Variants in TMEM71 observed in about 807,000 individuals in gnomAD.
The protein encoded by TMEM71 is transmembrane protein 71.
In TMEM71, 44 loss-of-function variants were observed where a neutral mutation model predicts 38.0. The ratio of observed to expected loss-of-function variants is 1.16; its 90% CI spans 0.91 to 1.49. TMEM71 has a LOEUF of 1.49. Ranked by LOEUF, TMEM71 falls within the 40% of genes most tolerant of loss-of-function variation. TMEM71 has a pLI of 0.00. For missense variants in TMEM71, 367 were observed against 348.6 expected, an observed-to-expected ratio of 1.05 and a Z score of -0.42; for synonymous variants, 133 against 122.5, an observed-to-expected ratio of 1.09 and a Z score of -0.56.
chr8:132,714,059 T>G lies in TMEM71; in HGVS notation c.815-7A>C. 1 of 1,613,892 alleles carries G rather than the reference T, an allele frequency of 6.2e-7. No homozygotes were observed. The highest frequency in any genetic ancestry group is 8.5e-7 in the Non-Finnish European group (1 of 1,179,900). ...AGAAACAATGATTTCACATCTTGAG[T>G]GAAACAGAGAAAATATTTTAAAATC... On this transcript the variant is annotated splice_polypyrimidine_tract_variant and splice_region_variant and intron_variant, in intron 8 of 9. Transcript: ENST00000677595.
chr8:132,744,133 G>C (rs1232568844), intron 5 of TMEM71, among the ~76,000 whole-genome samples: 2 of 152,126 alleles, frequency 1.3e-5, no homozygotes, highest in Non-Finnish European at 2.9e-5. Flanking sequence ...CAAGAAGACA[G>C]GGGTTATTAC....
intron 6 of TMEM71, among the ~76,000 whole-genome samples, chr8:132,724,764 T>A (rs959456793): frequency 6.6e-6 from 1 of 152,200 alleles, no homozygotes; most frequent in Non-Finnish European, 1.5e-5. Flanking sequence ...TAAATGTCCA[T>A]GAACTCTTCA....
the TMEM71 span, among the ~76,000 whole-genome samples, chr8:132,769,359 C>A: frequency 6.6e-6 from 1 of 152,130 alleles, no homozygotes. Context: ...GTTTCTGTAT[C>A]CATATCTGCA....
In TMEM71 at chr8:132,751,973, A is replaced by G. The variant is rs1389195663; in HGVS notation, c.126T>C (p.Gly42=). ...FPSFTCDSLD[G]YHSFECGSID... Reference sequence around the variant, plus strand: ...TGGAGCCGCATTCAAAAGAATGGTAACCATCCAGGGAATCACAGGTGAAAC... The same window carrying G: ...TGGAGCCGCATTCAAAAGAATGGTAGCCATCCAGGGAATCACAGGTGAAAC... Residue 42 remains glycine (G), a synonymous_variant, in exon 4 of 10, where the codon GGT becomes GGC. Transcript: ENST00000677595. The G allele has an allele frequency of 6.2e-7, 1 of 1,614,108 alleles. No individual in the cohort carries two copies. The highest frequency in any genetic ancestry group is 8.5e-7 in the Non-Finnish European group (1 of 1,180,026).
In TMEM71 at chr8:132,743,164, G is replaced by C. The variant is rs556330452; in HGVS notation, c.487+3778C>G. Among the ~76,000 whole-genome samples the C allele has an allele frequency of 6.2e-5, 8 of 129,724 alleles. No homozygotes were observed. The East Asian group carries it at 1.8e-3, about 30-fold the overall frequency. 85.1% of individuals were successfully genotyped at this position (129,724 alleles called of 152,430 possible). A position where few individuals can be genotyped will look rare whatever the true frequency, so the allele number is the denominator to read the frequency against. ...GACACATGCTCAAATTTCCCCTCTT[G>C]TTGATAGGAGGAGGAGAAAGGGGAA... On this transcript the variant is annotated intron_variant, in intron 5 of 9. Coordinates refer to ENST00000677595, the MANE Select transcript of TMEM71 (RefSeq NM_001382403.1).
intron 6 of TMEM71, among the ~76,000 whole-genome samples, chr8:132,723,998 C>A (rs7831169): frequency 7.6e-4 from 115 of 152,158 alleles, no homozygotes; most frequent in African/African-American, 2.7e-3. Context: ...AGCCGTAAAA[C>A]CAGCAAGTTT....
upstream of TMEM71, among the ~76,000 whole-genome samples, chr8:132,762,469 C>T (rs1829314320): frequency 6.6e-6 from 1 of 150,580 alleles, no homozygotes; most frequent in African/African-American, 2.5e-5. Context: ...ATCAGAAAGA[C>T]TTTGGTCTAC....
At chr8:132,722,209 CAAA>C in intron 6 of TMEM71, 94 bp from the exon 7 acceptor site, 103 of 626,412 alleles carry the variant, frequency 1.6e-4, no homozygotes, top group Middle Eastern at 4.5e-4. Context: ...TTGTACCCAC[CAAA>C]AAAAAAAAAA....
In TMEM71 at chr8:132,751,937, C is replaced by G; in HGVS notation, c.162G>C (p.Leu54=). ...GGCGACAGGTATAGTGGGAGCCTGT[C>G]AGGGGATCTATGGAGCCGCATTCAA... The part of the protein sequence containing the change: ...HSFECGSIDP[L]TGSHYTCRRS... The change falls in exon 4 of 10, where the codon CTG becomes CTC. Residue 54 remains leucine, a synonymous_variant. Transcript: ENST00000677595. The G allele has an allele frequency of 6.2e-7, 1 of 1,614,122 alleles. No homozygotes were observed. The highest frequency in any genetic ancestry group is 8.5e-7 in the Non-Finnish European group (1 of 1,180,032).
chr8:132,724,622 AT>A (rs1216123763), intron 6 of TMEM71, among the ~76,000 whole-genome samples: 1 of 152,178 alleles, frequency 6.6e-6, no homozygotes, highest in Non-Finnish European at 1.5e-5. Flanking sequence ...TTTACAATCA[AT>A]TTGTACAGTT....
At chr8:132,752,262 T>C (rs1388033309) in intron 3 of TMEM71, among the ~76,000 whole-genome samples, 1 of 152,222 alleles carries the variant, frequency 6.6e-6, no homozygotes, top group Admixed American at 6.5e-5. Context: ...CACCATATGG[T>C]TAACCTACGT....
chr8:132,760,036 A>G (rs1335630979), intron 1 of TMEM71, among the ~76,000 whole-genome samples: 1 of 152,138 alleles, frequency 6.6e-6, no homozygotes, highest in Non-Finnish European at 1.5e-5. Context: ...CCCAGCCCAA[A>G]TTACCTTATT....
rs897226640 is a variant in TMEM71, at chr8:132,745,911, C to T, written c.487+1031G>A. On this transcript the variant is annotated intron_variant, in intron 5 of 9. Coordinates refer to ENST00000677595, the MANE Select transcript of TMEM71 (RefSeq NM_001382403.1). ...AGCCATTATCCTAAGCAAATTAACA[C>T]AGGAAGAGAAAACCAAATACCCTAT... Among the ~76,000 whole-genome samples, 4 of 151,090 alleles carry T rather than the reference C, an allele frequency of 2.6e-5. No homozygotes were observed. In the South Asian group the frequency reaches 6.3e-4, roughly 24 times the overall value.
At chr8:132,745,686 A>C (rs1056098462) in intron 5 of TMEM71, among the ~76,000 whole-genome samples, 1 of 152,094 alleles carries the variant, frequency 6.6e-6, no homozygotes, top group Non-Finnish European at 1.5e-5. Context: ...ATCCAAGAGG[A>C]AACAAATCAT....
intron 3 of TMEM71, among the ~76,000 whole-genome samples, chr8:132,756,330 C>T (rs890645364): frequency 1.3e-5 from 2 of 148,326 alleles, no homozygotes; most frequent in African/African-American, 2.5e-5. Flanking sequence ...GACAAAGTAA[C>T]AATTCATCAG....
the TMEM71 span, among the ~76,000 whole-genome samples, chr8:132,771,374 T>A: frequency 6.6e-6 from 1 of 152,142 alleles, no homozygotes; most frequent in Non-Finnish European, 1.5e-5. Context: ...GTTCTTTGTC[T>A]CTCTTGCTGC....
intron 7 of TMEM71, 111 bp from the exon 8 acceptor site, chr8:132,714,326 C>T: frequency 1.2e-6 from 1 of 826,666 alleles, no homozygotes; most frequent in Non-Finnish European, 2.0e-6. Flanking sequence ...TATGAAACTA[C>T]AGTAATAAAG....
rs372145981 is a variant in TMEM71, at chr8:132,751,825, G to T, written c.274C>A (p.Pro92Thr). ...CDKDGNITLNPSQTSVMYKEN... is the reference protein window; with the variant it reads ...CDKDGNITLNTSQTSVMYKEN... ...TTATACATAACGCTGGTCTGGGATGGGTTCAGAGTTATGTTGCCATCTTTG... is the reference window on the plus strand; with the variant it reads ...TTATACATAACGCTGGTCTGGGATGTGTTCAGAGTTATGTTGCCATCTTTG... Residue 92 changes from proline to threonine, a missense_variant, in exon 4 of 10, where the codon CCA becomes ACA. Coordinates refer to ENST00000677595, the MANE Select transcript of TMEM71 (RefSeq NM_001382403.1). The T allele has an allele frequency of 1.9e-5, 30 of 1,613,732 alleles. No homozygotes were observed. In the African/African-American group the frequency reaches 3.5e-4, roughly 19 times the overall value.
At chr8:132,714,640 C>T (rs1430650535) in intron 7 of TMEM71, among the ~76,000 whole-genome samples, 1 of 152,128 alleles carries the variant, frequency 6.6e-6, no homozygotes, top group Non-Finnish European at 1.5e-5. Context: ...TCAATATGAC[C>T]TTGCATTTGG....
Sources: gnomAD v4.1 joint callset for allele counts (sites outside exome capture counted in the v4.1 genomes callset) on GRCh38, gnomAD v4.1.1 for gene constraint, MANE v1.5 for transcripts, NCBI Gene and HGNC (gene_info 2026-07-23, HGNC 2026-07-21) for gene names.